FRMD3: variants seen among roughly 807,000 people sequenced by gnomAD.
FRMD3 encodes FERM domain containing 3.
Under a neutral mutation model 70.2 loss-of-function variants are expected in FRMD3, and 33 were observed. The ratio of observed to expected loss-of-function variants is 0.47; its 90% CI spans 0.36 to 0.63. The LOEUF is 0.63. Ranked by LOEUF, FRMD3 falls within the 20% of genes least tolerant of loss-of-function variation. FRMD3 has a pLI of 0.00. For missense variants in FRMD3, 632 were observed against 711.4 expected (o/e 0.89, Z 1.27); for synonymous variants, 279 against 255.9 (o/e 1.09, Z -0.86).
intron 12 of FRMD3, chr9:83,297,684 C>G: frequency 2.1e-6 from 1 of 467,258 alleles, no homozygotes; most frequent in Non-Finnish European, 4.4e-6. Context: ...TGCCTGGAGC[C>G]AAGATTCTCC....
intron 1 of FRMD3, among the ~76,000 whole-genome samples, chr9:83,490,790 TCTCTCTCTCACACACACACA>T (rs1274894976): frequency 8.2e-6 from 1 of 122,214 alleles, no homozygotes; most frequent in Non-Finnish European, 1.6e-5. Context: ...TCTCTCTCTC[TCTCTCTCTCACACACACACA>T]CACACACACA....
At chr9:83,324,517 T>C (rs574468581) in intron 6 of FRMD3, among the ~76,000 whole-genome samples, 2 of 152,302 alleles carry the variant, frequency 1.3e-5, no homozygotes, top group African/African-American at 4.8e-5. Flanking sequence ...CATTTTGTAA[T>C]GATGAAAAGA....
chr9:83,426,671 A>G (rs1826820225), intron 1 of FRMD3, among the ~76,000 whole-genome samples: 1 of 152,196 alleles, frequency 6.6e-6, no homozygotes, highest in African/African-American at 2.4e-5. Flanking sequence ...AAGCAAAATG[A>G]CCGGTGTGAG....
At chr9:83,443,249 T>G (rs1038106680) in intron 1 of FRMD3, among the ~76,000 whole-genome samples, 5 of 152,216 alleles carry the variant, frequency 3.3e-5, no homozygotes, top group African/African-American at 1.2e-4. Flanking sequence ...CATTAACTTG[T>G]CATTTACATT....
chr9:83,420,937 CTTTTT>C (rs897070718), intron 1 of FRMD3, among the ~76,000 whole-genome samples: 7 of 107,718 alleles, frequency 6.5e-5, no homozygotes, highest in African/African-American at 2.3e-4. Context: ...TTTCTTTCTT[CTTTTT>C]TTTTTTTTTT....
intron 1 of FRMD3, among the ~76,000 whole-genome samples, chr9:83,454,226 A>T (rs1245603005): frequency 6.6e-6 from 1 of 152,144 alleles, no homozygotes; most frequent in East Asian, 1.9e-4. Context: ...CACTCCTTTC[A>T]TTCTATGTCT....
intron 1 of FRMD3, among the ~76,000 whole-genome samples, chr9:83,433,519 G>A (rs1827041920): frequency 6.6e-6 from 1 of 152,212 alleles, no homozygotes; most frequent in African/African-American, 2.4e-5. Flanking sequence ...TGGAAGTGGG[G>A]TGGTTTCAGG....
chr9:83,393,949 GT>G lies in FRMD3; in HGVS notation c.148-4242del, dbSNP rs372574147. Among the ~76,000 whole-genome samples the G allele has an allele frequency of 1.8e-3, 261 of 146,436 alleles. 2 individuals carry two copies. The highest frequency in any genetic ancestry group is 6.6e-3 in the African/African-American group (250 of 38,116). ...GATTTTGTTTTTTTTTGTTGTTGTT[GT>G]TTTTTTTTACAAATATTGGTCCAAA... On this transcript the variant is annotated intron_variant, in intron 1 of 13. Coordinates refer to ENST00000304195, the MANE Select transcript of FRMD3 (RefSeq NM_174938.6).
chr9:83,564,225 AAAT>A, the FRMD3 span, among the ~76,000 whole-genome samples: 21 of 151,714 alleles, frequency 1.4e-4, no homozygotes, highest in South Asian at 2.1e-3. Flanking sequence ...AGCCAATTTA[AAAT>A]AATAATAATA....
chr9:83,402,927 G>A (rs1268590754), intron 1 of FRMD3, among the ~76,000 whole-genome samples: 4 of 99,172 alleles, frequency 4.0e-5, no homozygotes, highest in Non-Finnish European at 5.8e-5. Context: ...TTTTTGAGAT[G>A]GAGTTTCACT....
At chr9:83,350,615 C>T in intron 3 of FRMD3, 1 of 280,268 alleles carries the variant, frequency 3.6e-6, no homozygotes, top group South Asian at 1.5e-4. Context: ...AAGAGTGAAA[C>T]TCCATCTCAA....
chr9:83,480,566 G>A (rs1318260190), intron 1 of FRMD3, among the ~76,000 whole-genome samples: 1 of 149,678 alleles, frequency 6.7e-6, no homozygotes, highest in Non-Finnish European at 1.5e-5. Context: ...CGTGATCTCA[G>A]CTCACCACAA....
intron 13 of FRMD3, among the ~76,000 whole-genome samples, chr9:83,288,909 G>A (rs1276606273): frequency 1.3e-5 from 2 of 152,204 alleles, no homozygotes; most frequent in Non-Finnish European, 2.9e-5. Flanking sequence ...AGCAGGCCTA[G>A]GGTTCCGTAT....
At chr9:83,351,721 A>G (rs77694143) in intron 3 of FRMD3, among the ~76,000 whole-genome samples, 5 of 152,004 alleles carry the variant, frequency 3.3e-5, no homozygotes, top group African/African-American at 9.7e-5. Context: ...AGATAGATAG[A>G]TAGATAGATA....
At chr9:83,243,816 AAC>A (rs1369219737), downstream of FRMD3, among the ~76,000 whole-genome samples, 2 of 152,102 alleles carry the variant, frequency 1.3e-5, no homozygotes, top group Non-Finnish European at 2.9e-5. Context: ...CATTCCAAGT[AAC>A]ACCTTTTGGT....
intron 1 of FRMD3, among the ~76,000 whole-genome samples, chr9:83,481,143 T>C (rs756807781): frequency 6.6e-6 from 1 of 152,192 alleles, no homozygotes; most frequent in Non-Finnish European, 1.5e-5. Context: ...GAAGATGGGA[T>C]TGTGAAGGGC....
At chr9:83,464,975 G>A (rs1828082317) in intron 1 of FRMD3, among the ~76,000 whole-genome samples, 2 of 150,238 alleles carry the variant, frequency 1.3e-5, no homozygotes, top group South Asian at 4.2e-4. Context: ...AGCCAATATT[G>A]CACCACTGCA....
chr9:83,249,098 A>C (rs1832276652), intron 13 of FRMD3, among the ~76,000 whole-genome samples: 1 of 152,242 alleles, frequency 6.6e-6, no homozygotes, highest in Non-Finnish European at 1.5e-5. Context: ...GGTATTATTT[A>C]TAAAAGCTGC....
At chr9:83,570,561 G>C in the FRMD3 span, among the ~76,000 whole-genome samples, 1 of 152,210 alleles carries the variant, frequency 6.6e-6, no homozygotes, top group Non-Finnish European at 1.5e-5. Flanking sequence ...CAGCCATGAG[G>C]TCTTAGTAGC....
Sources: allele counts gnomAD v4.1 joint callset (sites outside exome capture counted in the v4.1 genomes callset), GRCh38; gene constraint gnomAD v4.1.1; transcripts MANE v1.5; gene names NCBI Gene and HGNC (gene_info 2026-07-23, HGNC 2026-07-21).